Variants in DLGAP1 observed in about 807,000 individuals in gnomAD.
DLGAP1 encodes DLG associated protein 1.
A neutral mutation model predicts 90.8 loss-of-function variants in DLGAP1; 11 were observed. The observed-to-expected ratio is 0.12, with a 90% CI of 0.08 to 0.20. The LOEUF (loss-of-function observed/expected upper bound fraction) is 0.20, where lower values mean the gene tolerates loss of function less well. DLGAP1 is among the 10% of genes least tolerant of loss of function. The pLI, the probability that DLGAP1 is intolerant of heterozygous loss-of-function variation, is 1.00. For missense variants in DLGAP1, 1,050 were observed against 1,333.8 expected (o/e 0.79, Z 3.31); for synonymous variants, 558 against 540.7 (o/e 1.03, Z -0.44).
intron 1 of DLGAP1, among the ~76,000 whole-genome samples, chr18:4,338,811 T>C (rs1391657836): frequency 2.0e-5 from 3 of 152,180 alleles, no homozygotes; most frequent in Non-Finnish European, 4.4e-5. Context: ...CTATGAATAA[T>C]TTCATAGGTC....
At chr18:4,149,841 C>A (rs2076644903) in intron 2 of DLGAP1, among the ~76,000 whole-genome samples, 1 of 152,070 alleles carries the variant, frequency 6.6e-6, no homozygotes, top group African/African-American at 2.4e-5. Flanking sequence ...CGAAACCGGT[C>A]CCTGGACCAC....
intron 1 of DLGAP1, among the ~76,000 whole-genome samples, chr18:4,307,290 T>A (rs1429344707): frequency 6.6e-6 from 1 of 152,130 alleles, no homozygotes; most frequent in African/African-American, 2.4e-5. Flanking sequence ...TTCTTTTCCC[T>A]TCTGCTTGGA....
At chr18:3,998,413 T>C (rs950251901) in intron 3 of DLGAP1, among the ~76,000 whole-genome samples, 2 of 152,190 alleles carry the variant, frequency 1.3e-5, no homozygotes, top group African/African-American at 2.4e-5. Flanking sequence ...GTTAACTTAA[T>C]TGCAGAGTTC....
chr18:3,921,721 A>G (rs115025954), intron 3 of DLGAP1, among the ~76,000 whole-genome samples: 3 of 152,324 alleles, frequency 2.0e-5, no homozygotes, highest in African/African-American at 4.8e-5. Flanking sequence ...AAGGATTTAA[A>G]TAGGTCATAG....
intron 10 of DLGAP1, among the ~76,000 whole-genome samples, chr18:3,530,668 T>C (rs1402834223): frequency 6.6e-6 from 1 of 152,194 alleles, no homozygotes; most frequent in Non-Finnish European, 1.5e-5. Flanking sequence ...AAACTACCCC[T>C]GCTCCCACTG....
chr18:4,273,394 A>G (rs559459854), intron 1 of DLGAP1, among the ~76,000 whole-genome samples: 3 of 152,258 alleles, frequency 2.0e-5, no homozygotes, highest in African/African-American at 7.2e-5. Flanking sequence ...TTTACCCAGC[A>G]CCACCAGGTA....
intron 1 of DLGAP1, among the ~76,000 whole-genome samples, chr18:4,196,791 G>T: frequency 6.6e-6 from 1 of 152,078 alleles, no homozygotes; most frequent in East Asian, 1.9e-4. Context: ...ACAGAGTGTT[G>T]TATATGTACA....
chr18:3,653,220 T>C lies in DLGAP1; in HGVS notation c.1592-70972A>G, dbSNP rs1599736603. Among the ~76,000 whole-genome samples, 5 of 152,120 alleles carry C rather than the reference T, an allele frequency of 3.3e-5. No individual in the cohort carries two copies. In the East Asian group the frequency reaches 5.8e-4, roughly 18 times the overall value. On this transcript the variant is annotated intron_variant, in intron 7 of 12. Transcript: ENST00000315677. This position sits in a 1 kb window ranked among gnomAD's most constrained non-coding sequence, Gnocchi z 4.6. ...CTTGTGGAATTCTTGCTGTGAGTGG[T>C]TTTTCCTTCCCTGCCATTGGTGCGA...
intron 1 of DLGAP1, among the ~76,000 whole-genome samples, chr18:4,240,872 T>C (rs1340102000): frequency 6.6e-6 from 1 of 152,204 alleles, no homozygotes; most frequent in Non-Finnish European, 1.5e-5. Context: ...TATGCAATCA[T>C]ACGAACTTAC....
intron 3 of DLGAP1, chr18:3,977,723 G>C (rs1392456638): frequency 3.1e-6 from 1 of 324,612 alleles, no homozygotes; most frequent in East Asian, 9.0e-5. Flanking sequence ...CAGGAAATAA[G>C]CTTGACAAAG....
chr18:3,741,202 TCA>T (rs2062988344), intron 6 of DLGAP1, among the ~76,000 whole-genome samples: 1 of 31,366 alleles, frequency 3.2e-5, no homozygotes, highest in Non-Finnish European at 5.9e-5. Flanking sequence ...CACCACCAAA[TCA>T]CCACCACCAC....
intron 7 of DLGAP1, chr18:3,596,795 G>A (rs2056599489): frequency 1.9e-6 from 1 of 518,138 alleles, no homozygotes. Flanking sequence ...GAGTAAAGTG[G>A]ACACCTCAGC....
intron 1 of DLGAP1, among the ~76,000 whole-genome samples, chr18:4,404,732 T>C (rs1354286449): frequency 6.7e-6 from 1 of 149,874 alleles, no homozygotes; most frequent in Non-Finnish European, 1.5e-5. Flanking sequence ...TCAGAGATTA[T>C]AATAATATGA....
At chr18:4,341,379 A>C (rs1021639911) in intron 1 of DLGAP1, among the ~76,000 whole-genome samples, 3 of 152,172 alleles carry the variant, frequency 2.0e-5, no homozygotes, top group African/African-American at 7.2e-5. Flanking sequence ...TTAATAAAAC[A>C]AGACAATTGG....
At chr18:3,631,695 C>T (rs1005439491) in intron 7 of DLGAP1, among the ~76,000 whole-genome samples, 7 of 152,076 alleles carry the variant, frequency 4.6e-5, no homozygotes, top group Non-Finnish European at 8.8e-5. Flanking sequence ...TGCAGTAAGC[C>T]GTGATTGCAC....
chr18:3,847,158 G>A (rs2069065052), intron 4 of DLGAP1, among the ~76,000 whole-genome samples: 1 of 152,012 alleles, frequency 6.6e-6, no homozygotes, highest in South Asian at 2.1e-4. Context: ...TTTGGTATCA[G>A]GATAGCATTG....
chr18:3,561,351 G>A (rs1046019032), intron 9 of DLGAP1, among the ~76,000 whole-genome samples: 33 of 142,118 alleles, frequency 2.3e-4, no homozygotes, highest in Admixed American at 5.8e-4. Context: ...CAGGAGTATC[G>A]CTTGAACCTG....
intron 4 of DLGAP1, among the ~76,000 whole-genome samples, chr18:3,876,539 T>C (rs2071009852): frequency 6.6e-6 from 1 of 152,248 alleles, no homozygotes; most frequent in African/African-American, 2.4e-5. Flanking sequence ...TATGTTAAAC[T>C]GTTTTCAACC....
At chr18:4,158,754 C>T (rs2076797703) in intron 1 of DLGAP1, among the ~76,000 whole-genome samples, 2 of 152,162 alleles carry the variant, frequency 1.3e-5, no homozygotes, top group Middle Eastern at 3.4e-3. Flanking sequence ...ATTTGAAATG[C>T]CACTGCCCTC....
Sources: allele counts gnomAD v4.1 joint callset (sites outside exome capture counted in the v4.1 genomes callset), GRCh38; gene constraint gnomAD v4.1.1; non-coding constraint Gnocchi (gnomAD v3.1); transcripts MANE v1.5; gene names NCBI Gene and HGNC (gene_info 2026-07-23, HGNC 2026-07-21).